PTPRN2: variants seen among roughly 807,000 people sequenced by gnomAD.
PTPRN2 encodes protein tyrosine phosphatase receptor type N2.
Under a neutral mutation model 118.8 loss-of-function variants are expected in PTPRN2, and 74 were observed. That is an observed-to-expected ratio of 0.62 (90% CI 0.52 to 0.76). The LOEUF is 0.76. PTPRN2 is among the 30% of genes least tolerant of loss of function. The pLI is 0.00. For synonymous variants in PTPRN2, 641 were observed against 608.0 expected, an observed-to-expected ratio of 1.05 and a Z score of -0.80; for missense variants, 1,481 against 1,394.4, an observed-to-expected ratio of 1.06 and a Z score of -0.99.
intron 3 of PTPRN2, among the ~76,000 whole-genome samples, chr7:158,235,775 T>A (rs181344517): frequency 0.054 from 8,255 of 152,308 alleles, 284 homozygotes; most frequent in South Asian, 0.11. Flanking sequence ...ATGAATATTT[T>A]AGGTGAAGAT....
chr7:157,857,483 C>G (rs1229424599), intron 12 of PTPRN2: 1 of 152,284 alleles, frequency 6.6e-6, no homozygotes, highest in Non-Finnish European at 1.5e-5. Flanking sequence ...TGGAGGAGCC[C>G]CTTCTGCAGG....
chr7:157,696,156 C>A (rs1428274854), intron 12 of PTPRN2, among the ~76,000 whole-genome samples: 10 of 142,030 alleles, frequency 7.0e-5, no homozygotes, highest in Non-Finnish European at 1.5e-4. Flanking sequence ...CACCATCTAC[C>A]CATGCATACT....
At chr7:157,728,920 T>G (rs1033197626) in intron 12 of PTPRN2, among the ~76,000 whole-genome samples, 2 of 151,880 alleles carry the variant, frequency 1.3e-5, no homozygotes, top group Admixed American at 6.6e-5. Flanking sequence ...CTTAATCAGC[T>G]CTCCTCATAA....
chr7:158,440,674 GGGTGGT>G (rs980697749), intron 2 of PTPRN2, among the ~76,000 whole-genome samples: 7 of 146,588 alleles, frequency 4.8e-5, no homozygotes, highest in Admixed American at 1.4e-4. Flanking sequence ...GATAGTGACA[GGGTGGT>G]GGTGGTGGTG....
At chr7:158,165,145 G>A (rs1822832115) in intron 6 of PTPRN2, among the ~76,000 whole-genome samples, 2 of 152,336 alleles carry the variant, frequency 1.3e-5, no homozygotes, top group East Asian at 1.9e-4. Flanking sequence ...AAGAGTGCAG[G>A]AGGCAGTGAA....
chr7:157,696,311 C>T (rs1242246928), intron 12 of PTPRN2, among the ~76,000 whole-genome samples: 3 of 123,818 alleles, frequency 2.4e-5, no homozygotes, highest in African/African-American at 9.7e-5. Context: ...TCACCATCTA[C>T]CCATGCATAC....
chr7:158,276,685 A>G (rs996027389), intron 3 of PTPRN2, among the ~76,000 whole-genome samples: 1 of 152,160 alleles, frequency 6.6e-6, no homozygotes. Flanking sequence ...CCAGGCCCAC[A>G]CAGCACTGTG....
chr7:157,607,680 C>T (rs1563256566), intron 15 of PTPRN2, among the ~76,000 whole-genome samples: 2 of 152,336 alleles, frequency 1.3e-5, no homozygotes, highest in South Asian at 2.1e-4. Context: ...GTCCCTGCTG[C>T]CAGGCCCTGT....
chr7:158,007,510 G>A (rs1004604674), intron 11 of PTPRN2, among the ~76,000 whole-genome samples: 3 of 152,174 alleles, frequency 2.0e-5, no homozygotes, highest in Non-Finnish European at 4.4e-5. Flanking sequence ...GAGGGCAGTG[G>A]GGCCTCACAG....
Position 157,670,657 on chromosome 7 carries a change from C to T in PTPRN2, c.2001+12068G>A, listed in dbSNP as rs113086916. Among the ~76,000 whole-genome samples, 724 of 152,298 alleles carry T rather than the reference C, an allele frequency of 4.8e-3. 1 individual carries two copies. Among genetic ancestry groups the T allele is most frequent in the Admixed American group, 6.2e-3 (95 of 15,304 alleles). ...CTGCCGTTGGTGAGACAAATCCCTCCCTTCCCGGCTCCCACGGAGGATGAC... is the reference window on the plus strand; with the variant it reads ...CTGCCGTTGGTGAGACAAATCCCTCTCTTCCCGGCTCCCACGGAGGATGAC... On this transcript the variant is annotated intron_variant, in intron 13 of 22. Coordinates refer to ENST00000389418, the MANE Select transcript of PTPRN2 (RefSeq NM_002847.5).
chr7:158,047,409 G>A (rs983677406), intron 11 of PTPRN2, among the ~76,000 whole-genome samples: 3 of 152,256 alleles, frequency 2.0e-5, no homozygotes, highest in African/African-American at 7.2e-5. Context: ...CAAAGAGGCT[G>A]GAGCCACTGC....
chr7:157,751,347 G>A (rs867114288), intron 12 of PTPRN2, among the ~76,000 whole-genome samples: 6 of 152,296 alleles, frequency 3.9e-5, no homozygotes, highest in Middle Eastern at 3.4e-3. Context: ...AAATCCATGC[G>A]GCGAACGCCC....
intron 14 of PTPRN2, among the ~76,000 whole-genome samples, chr7:157,651,046 G>A (rs1055391111): frequency 1.3e-5 from 2 of 152,330 alleles, no homozygotes; most frequent in Admixed American, 6.5e-5. Context: ...TCTGTTGGTC[G>A]CCAGCACAGA....
In PTPRN2 at chr7:158,257,737, C is replaced by T. The variant is rs968766152; in HGVS notation, c.278-52464G>A. On this transcript the variant is annotated intron_variant, in intron 3 of 22. Transcript: ENST00000389418. ...CAAGACCTGCGGCGGTGACTGCCCC[C>T]GCCCAGCCCCACGGCGCTGACCTGG... Among the ~76,000 whole-genome samples the T allele has an allele frequency of 2.6e-5, 4 of 152,228 alleles. No homozygotes were observed. The South Asian group carries it at 6.2e-4, about 24-fold the overall frequency.
intron 11 of PTPRN2, among the ~76,000 whole-genome samples, chr7:158,080,314 C>CAAAAAAAAAAAAAAA (rs556546951): frequency 1.4e-5 from 1 of 72,226 alleles, no homozygotes; most frequent in Non-Finnish European, 2.5e-5. Context: ...CAAATTTAAG[C>CAAAAAAAAAAAAAAA]AAAAAAAAAA....
At chr7:158,251,897 C>A (rs1398989979) in intron 3 of PTPRN2, among the ~76,000 whole-genome samples, 1 of 152,144 alleles carries the variant, frequency 6.6e-6, no homozygotes, top group East Asian at 1.9e-4. Context: ...GGACCTGTGA[C>A]TTGAAGCCTC....
Position 158,087,777 on chromosome 7 carries a change from G to A in PTPRN2, c.1644-6400C>T, listed in dbSNP as rs568528244. Among the ~76,000 whole-genome samples the A allele has an allele frequency of 1.3e-4, 16 of 124,062 alleles. 1 individual carries two copies. Among genetic ancestry groups the A allele is most frequent in the African/African-American group, 4.2e-4 (15 of 35,586 alleles). 81.4% of individuals were successfully genotyped at this position (124,062 alleles called of 152,430 possible). The stretch of plus-strand genomic sequence containing the variant: ...TCTTCACACACATCCTTCTTCCCCT[G>A]ATGAAAGGGGGAGTCTTCACACAAA... On this transcript the variant is annotated intron_variant, in intron 10 of 22. Transcript: ENST00000389418.
chr7:157,958,515 A>T (rs1443017596), intron 11 of PTPRN2, among the ~76,000 whole-genome samples: 2 of 152,242 alleles, frequency 1.3e-5, no homozygotes, highest in African/African-American at 4.8e-5. Context: ...GATTTTACAC[A>T]AGAGATCTGT....
chr7:157,895,054 C>CCG (rs1554484938), intron 12 of PTPRN2, among the ~76,000 whole-genome samples: 10 of 151,994 alleles, frequency 6.6e-5, no homozygotes, highest in African/African-American at 2.4e-4. Context: ...GGACCCCTCC[C>CCG]CCACAGGAGG....
Sources: allele counts gnomAD v4.1 joint callset (sites outside exome capture counted in the v4.1 genomes callset), GRCh38; gene constraint gnomAD v4.1.1; transcripts MANE v1.5; gene names NCBI Gene and HGNC (gene_info 2026-07-23, HGNC 2026-07-21).